Variants in KIF1A observed in about 807,000 individuals in gnomAD.
KIF1A encodes kinesin family member 1A, also known as kinesin-like protein KIF1A.
A neutral mutation model predicts 227.3 loss-of-function variants in KIF1A; 46 were observed. The observed-to-expected ratio is 0.20, with a 90% CI of 0.16 to 0.26. KIF1A has a LOEUF of 0.26. Ranked by LOEUF, KIF1A falls within the 10% of genes least tolerant of loss-of-function variation. KIF1A has a pLI of 1.00. For missense variants in KIF1A, 1,683 were observed against 2,485.9 expected (o/e 0.68, Z 6.87); for synonymous variants, 1,022 against 1,012.8 (o/e 1.01, Z -0.17).
chr2:240,721,864 G>A lies in KIF1A; in HGVS notation c.4686C>T (p.His1562=), dbSNP rs1287860715. ...LAVKCLRLLT[H]TFNREYTHSH... ...TGTGTGTGTACTCTCTGTTGAATGT[G>A]TGCGTGAGCAGGCGCAAGCACTGTG... is the stretch of plus-strand genomic sequence containing the variant. The change falls in exon 44 of 49, where the codon CAC becomes CAT. Residue 1562 remains histidine, a synonymous_variant. Transcript: ENST00000498729. 3 of 1,607,002 alleles carry A rather than the reference G, an allele frequency of 1.9e-6. No homozygotes were observed. The highest frequency in any genetic ancestry group is 1.1e-5 in the South Asian group (1 of 90,480).
intron 9 of KIF1A, among the ~76,000 whole-genome samples, 191 bp from the exon 10 acceptor site, chr2:240,782,798 G>T (rs1281413130): frequency 1.3e-5 from 2 of 152,122 alleles, no homozygotes; most frequent in Admixed American, 6.5e-5. Context: ...CCAGGCCTGG[G>T]CTGCCTGCTG....
In KIF1A at chr2:240,797,054, C is replaced by T. The variant is rs143177302; in HGVS notation, c.106+593G>A. On this transcript the variant is annotated intron_variant, in intron 2 of 48. Transcript: ENST00000498729. ...CAGCTGACACCACTTGATCCTGTGA[C>T]GGCAGCAGCAGTTGCAGCTGCACCA... Among the ~76,000 whole-genome samples the T allele has an allele frequency of 2.8e-3, 430 of 152,354 alleles. 2 individuals are homozygous for T. The highest frequency in any genetic ancestry group is 9.9e-3 in the African/African-American group (411 of 41,584).
chr2:240,809,962 T>A (rs773023591), intron 1 of KIF1A, among the ~76,000 whole-genome samples: 1 of 152,124 alleles, frequency 6.6e-6, no homozygotes, highest in Admixed American at 6.5e-5. Flanking sequence ...ATCACACCTA[T>A]TTTTATTTTT....
In KIF1A at chr2:240,775,808, T is replaced by G; in HGVS notation, c.958+43A>C. ...TGGGGAAGAAGGGCACAGCCCAGGG[T>G]GGGATCAGAGCCCTGGGGACAGGCA... On this transcript the variant is annotated intron_variant, in intron 11 of 48. Coordinates refer to ENST00000498729, the MANE Select transcript of KIF1A (RefSeq NM_001244008.2). This position sits in a 1 kb window ranked among gnomAD's most constrained non-coding sequence, Gnocchi z 5.5. 7.7e-7 allele frequency: 1 copy of G among 1,303,532 alleles called. No individual in the cohort carries two copies. The highest frequency in any genetic ancestry group is 1.1e-6 in the Non-Finnish European group (1 of 896,744). The allele number at this position is 1,303,532 out of a possible 1,614,324, so 80.7% of individuals were successfully genotyped here.
intron 2 of KIF1A, among the ~76,000 whole-genome samples, chr2:240,795,742 C>T (rs1014641197): frequency 1.3e-5 from 2 of 152,334 alleles, no homozygotes; most frequent in African/African-American, 2.4e-5. Context: ...GGGTGCCACT[C>T]GCCCACCCTG....
chr2:240,819,583 G>A (rs2058578212), intron 1 of KIF1A, among the ~76,000 whole-genome samples: 1 of 150,832 alleles, frequency 6.6e-6, no homozygotes, highest in South Asian at 2.1e-4. Context: ...CGGAGCAGCT[G>A]CCCGCGCCCG....
intron 10 of KIF1A, among the ~76,000 whole-genome samples, chr2:240,780,105 C>T (rs891779852): frequency 2.0e-5 from 3 of 151,926 alleles, no homozygotes; most frequent in South Asian, 2.1e-4. Context: ...TTCCCGCACG[C>T]TTCCCCACAG....
chr2:240,758,518 A>G lies in KIF1A; in HGVS notation c.2445-21T>C. ...GCTGCCTGCAGGGACGGCAGGGGTC[A>G]ATGTGGACCCAGGCCCAGCGCTCAG... On this transcript the variant is annotated intron_variant, in intron 25 of 48. Coordinates refer to ENST00000498729, the MANE Select transcript of KIF1A (RefSeq NM_001244008.2). The surrounding 1 kb of genome is among the most constrained non-coding windows in gnomAD (Gnocchi z 5.2). The G allele has an allele frequency of 4.5e-6, 7 of 1,546,508 alleles. No individual in the cohort carries two copies. The highest frequency in any genetic ancestry group is 6.1e-6 in the Non-Finnish European group (7 of 1,144,308).
chr2:240,820,359 C>A (rs1383844032), upstream of KIF1A: 5 of 150,142 alleles, frequency 3.3e-5, no homozygotes, highest in Admixed American at 2.7e-4. This position sits in a 1 kb window ranked among gnomAD's most constrained non-coding sequence, Gnocchi z 6.2. Context: ...ACGGGCGACG[C>A]GGCCGCCGCG....
At chr2:240,731,502 G>A (rs1345310813) in intron 38 of KIF1A, among the ~76,000 whole-genome samples, 1 of 152,224 alleles carries the variant, frequency 6.6e-6, no homozygotes, top group Non-Finnish European at 1.5e-5. Flanking sequence ...GAGACAACCA[G>A]CATGTCACTG....
chr2:240,794,706 C>T (rs1323820409), intron 2 of KIF1A, among the ~76,000 whole-genome samples: 1 of 152,236 alleles, frequency 6.6e-6, no homozygotes, highest in African/African-American at 2.4e-5. Context: ...CGCAAGCAGC[C>T]TGGTGAGGTC....
rs2055840413 is a variant in KIF1A, at chr2:240,792,519, C to CGGGGGGAGGGTTGGGGTGAGGAGT, written c.107-3231_107-3208dup. 6.8e-6 allele frequency among the ~76,000 whole-genome samples: 1 copy of CGGGGGGAGGGTTGGGGTGAGGAGT among 148,146 alleles called. No homozygotes were observed. Among genetic ancestry groups the CGGGGGGAGGGTTGGGGTGAGGAGT allele is most frequent in the Admixed American group, 6.7e-5 (1 of 14,970 alleles). ...CTGGACACCGAGACGACAGAGACAG[C>CGGGGGGAGGGTTGGGGTGAGGAGT]GGGGGGAGGGTTGGGGTGAGGAGTG... On this transcript the variant is annotated intron_variant, in intron 2 of 48. Coordinates refer to ENST00000498729, the MANE Select transcript of KIF1A (RefSeq NM_001244008.2). The surrounding 1 kb of genome is among the most constrained non-coding windows in gnomAD (Gnocchi z 4.5).
intron 35 of KIF1A, 42 bp downstream of exon 35, chr2:240,741,226 CG>C (rs768626061): frequency 1.2e-5 from 16 of 1,370,146 alleles, no homozygotes; most frequent in African/African-American, 2.9e-5. Flanking sequence ...GCGCACCCCC[CG>C]ACACACACTC....
chr2:240,783,884 G>A, intron 7 of KIF1A, 68 bp from the exon 8 acceptor site: 2 of 1,234,286 alleles, frequency 1.6e-6, no homozygotes, highest in Middle Eastern at 3.7e-4. Context: ...AGGACCCCTG[G>A]GCAAGGTCTC....
chr2:240,820,737 G>T (rs1458194748), upstream of KIF1A, among the ~76,000 whole-genome samples: 1 of 151,810 alleles, frequency 6.6e-6, no homozygotes, highest in Non-Finnish European at 1.5e-5. This position sits in a 1 kb window ranked among gnomAD's most constrained non-coding sequence, Gnocchi z 6.2. Context: ...TAACAGGTGC[G>T]CGGTGAAATC....
At chr2:240,741,231 C>G in intron 35 of KIF1A, 38 bp downstream of exon 35, 2 of 1,418,174 alleles carry the variant, frequency 1.4e-6, no homozygotes, top group Non-Finnish European at 1.9e-6. Flanking sequence ...CCCCCCGACA[C>G]ACACTCACGC....
chr2:240,742,434 A>C (rs2048090917), intron 34 of KIF1A, among the ~76,000 whole-genome samples: 1 of 151,502 alleles, frequency 6.6e-6, no homozygotes, highest in South Asian at 2.1e-4. Context: ...AATAAACTCC[A>C]CTCTTTTAAC....
intron 38 of KIF1A, among the ~76,000 whole-genome samples, chr2:240,731,756 C>A (rs948869863): frequency 6.6e-6 from 1 of 152,208 alleles, no homozygotes; most frequent in Non-Finnish European, 1.5e-5. Context: ...TCCCCCTCGC[C>A]CTGGCTGACA....
intron 10 of KIF1A, chr2:240,782,013 C>T (rs914088988): frequency 2.0e-5 from 20 of 985,308 alleles, no homozygotes; most frequent in Middle Eastern, 5.2e-4. Context: ...TGGTGGCGCC[C>T]GCCCTGTCTC....
Sources: allele counts gnomAD v4.1 joint callset (sites outside exome capture counted in the v4.1 genomes callset), GRCh38; gene constraint gnomAD v4.1.1; non-coding constraint Gnocchi (gnomAD v3.1); transcripts MANE v1.5; gene names NCBI Gene and HGNC (gene_info 2026-07-23, HGNC 2026-07-21).